Variants in NCOA2 observed in about 807,000 individuals in gnomAD.
The protein encoded by NCOA2 is nuclear receptor coactivator 2.
Under a neutral mutation model 145.1 loss-of-function variants are expected in NCOA2, and 21 were observed. The ratio of observed to expected loss-of-function variants is 0.14; its 90% CI spans 0.10 to 0.21. The LOEUF is 0.21. Among genes scored for constraint, NCOA2 ranks in the 10% least tolerant of loss-of-function variants. The probability of loss-of-function intolerance (pLI) is 1.00; values close to 1 mark genes in which losing one functional copy is unlikely to be tolerated. For missense variants in NCOA2, 1,472 were observed against 1,837.6 expected (o/e 0.80, Z 3.64); for synonymous variants, 619 against 637.5 (o/e 0.97, Z 0.44).
intron 4 of NCOA2, among the ~76,000 whole-genome samples, chr8:70,191,707 A>C (rs1032581628): frequency 5.3e-5 from 8 of 152,158 alleles, no homozygotes; most frequent in African/African-American, 1.9e-4. Context: ...ACCCATGAGA[A>C]TCTCCTGTGA....
chr8:70,192,074 A>G (rs1180623604), intron 4 of NCOA2, among the ~76,000 whole-genome samples: 1 of 152,212 alleles, frequency 6.6e-6, no homozygotes, highest in Non-Finnish European at 1.5e-5. Context: ...AACAAAAAAT[A>G]AAAGACTGAA....
chr8:70,153,874 C>T (rs549304897), intron 11 of NCOA2, among the ~76,000 whole-genome samples: 1 of 152,274 alleles, frequency 6.6e-6, no homozygotes, highest in Non-Finnish European at 1.5e-5. Context: ...GATTAATCAC[C>T]CAAGACGTTT....
Position 70,123,993 on chromosome 8 carries a change from G to A in NCOA2, c.4184C>T (p.Ala1395Val), listed in dbSNP as rs1349022491. 3.1e-6 allele frequency: 5 copies of A among 1,613,848 alleles called. No homozygotes were observed. Among genetic ancestry groups the A allele is most frequent in the Admixed American group, 1.7e-5 (1 of 59,988 alleles). The change falls in exon 21 of 23, where the codon GCG becomes GTG. Residue 1395 changes from alanine (A) to valine (V), a missense_variant. Coordinates refer to ENST00000452400, the MANE Select transcript of NCOA2 (RefSeq NM_006540.4). ...SNNMNINVSM[A>V]TNTGGMSSMN... is the part of the protein sequence containing the mutation. ...GCTGCTCATGCCACCTGTGTTGGTC[G>A]CCATGGACACATTGATGTTCATGTT...
Position 70,237,175 on chromosome 8 carries a change from A to C in NCOA2, c.-19-20411T>G, listed in dbSNP as rs548253003. On this transcript the variant is annotated intron_variant, in intron 2 of 22. Transcript: ENST00000452400. The stretch of plus-strand genomic sequence containing the variant: ...TATGGTATAGTAGTATACTTGTATT[A>C]TCTTATTTGATCCTCACAATTAACT... Among the ~76,000 whole-genome samples the C allele has an allele frequency of 4.2e-3, 635 of 152,312 alleles. 2 individuals are homozygous for C. The highest frequency in any genetic ancestry group is 7.1e-3 in the East Asian group (37 of 5,178).
chr8:70,138,518 A>G (rs1206616149), intron 14 of NCOA2, among the ~76,000 whole-genome samples, 186 bp from the exon 15 acceptor site: 1 of 152,252 alleles, frequency 6.6e-6, no homozygotes, highest in Non-Finnish European at 1.5e-5. Context: ...TATGAAAGCC[A>G]TTTCAGAGAA....
intron 2 of NCOA2, among the ~76,000 whole-genome samples, chr8:70,275,206 C>T (rs1825378442): frequency 6.6e-6 from 1 of 152,130 alleles, no homozygotes. Context: ...TTAGAGTTAT[C>T]AAACTTTACT....
chr8:70,448,942 C>A, the NCOA2 span, among the ~76,000 whole-genome samples: 1 of 151,902 alleles, frequency 6.6e-6, no homozygotes, highest in African/African-American at 2.4e-5. Context: ...GCAGCTGAGA[C>A]ACAGGTGCCG....
chr8:70,139,743 C>T (rs1810163548), intron 14 of NCOA2, among the ~76,000 whole-genome samples: 1 of 148,000 alleles, frequency 6.8e-6, no homozygotes, highest in South Asian at 2.1e-4. Flanking sequence ...ACCTCTGTCT[C>T]CCGGGTTCAA....
chr8:70,281,120 G>A (rs1015537690), intron 2 of NCOA2, among the ~76,000 whole-genome samples: 9 of 151,956 alleles, frequency 5.9e-5, no homozygotes, highest in Non-Finnish European at 1.2e-4. Flanking sequence ...TAGGGAGGCC[G>A]AGGTGGGTGG....
chr8:70,253,571 C>A (rs1431950224), intron 2 of NCOA2, among the ~76,000 whole-genome samples: 3 of 150,318 alleles, frequency 2.0e-5, no homozygotes, highest in Non-Finnish European at 3.0e-5. Context: ...CAGAAAAAAA[C>A]AAAACAAAAC....
chr8:70,175,307 GC>G (rs1278995530), intron 4 of NCOA2, among the ~76,000 whole-genome samples: 2 of 152,214 alleles, frequency 1.3e-5, no homozygotes, highest in African/African-American at 4.8e-5. Flanking sequence ...TGCTATGGCT[GC>G]CCCCATGAGA....
At chr8:70,234,808 T>C (rs1821456416) in intron 2 of NCOA2, among the ~76,000 whole-genome samples, 1 of 152,182 alleles carries the variant, frequency 6.6e-6, no homozygotes. Context: ...ATACAGAATA[T>C]GACATACAAC....
At chr8:70,358,427 C>T (rs1438109468) in intron 1 of NCOA2, among the ~76,000 whole-genome samples, 3 of 152,132 alleles carry the variant, frequency 2.0e-5, no homozygotes, top group Admixed American at 6.5e-5. Context: ...TAAAAATCAG[C>T]GGAATTTAAT....
intron 16 of NCOA2, among the ~76,000 whole-genome samples, chr8:70,131,192 T>G (rs1809056276): frequency 6.6e-6 from 1 of 152,128 alleles, no homozygotes; most frequent in Non-Finnish European, 1.5e-5. Context: ...TTTTATTTTT[T>G]TTTTGGTAAA....
chr8:70,290,037 A>C (rs1046393075), intron 2 of NCOA2, among the ~76,000 whole-genome samples: 2 of 151,970 alleles, frequency 1.3e-5, no homozygotes, highest in Non-Finnish European at 2.9e-5. Context: ...TTTCTCTTTA[A>C]TCTTTGTAGA....
At chr8:70,422,967 T>G in the NCOA2 span, among the ~76,000 whole-genome samples, 1 of 152,182 alleles carries the variant, frequency 6.6e-6, no homozygotes, top group East Asian at 1.9e-4. Context: ...TGGCTGGGAT[T>G]ACAGGGGCCG....
At chr8:70,227,351 G>C (rs1340448992) in intron 2 of NCOA2, among the ~76,000 whole-genome samples, 2 of 152,202 alleles carry the variant, frequency 1.3e-5, no homozygotes. Flanking sequence ...ATTTAATAAA[G>C]GCTTGTGGTT....
intron 2 of NCOA2, among the ~76,000 whole-genome samples, chr8:70,219,006 T>C (rs1033302759): frequency 6.6e-6 from 1 of 152,166 alleles, no homozygotes; most frequent in African/African-American, 2.4e-5. Context: ...CCTAAAGTCA[T>C]ATACACCCAG....
In NCOA2 at chr8:70,388,476, C is replaced by T. The variant is rs73684291; in HGVS notation, c.-77+15224G>A. Among the ~76,000 whole-genome samples the T allele has an allele frequency of 3.7e-3, 570 of 152,256 alleles. 8 individuals are homozygous for T. Among genetic ancestry groups the T allele is most frequent in the African/African-American group, 0.013 (552 of 41,550 alleles). ...CACCTTGCAAAATGCAGTTTGCTCACGTAACATATCTGTATAGCCCTCCAC... is the reference window on the plus strand; with the variant it reads ...CACCTTGCAAAATGCAGTTTGCTCATGTAACATATCTGTATAGCCCTCCAC... On this transcript the variant is annotated intron_variant, in intron 1 of 22. Transcript: ENST00000452400.
Sources: gnomAD v4.1 joint callset for allele counts (sites outside exome capture counted in the v4.1 genomes callset) on GRCh38, gnomAD v4.1.1 for gene constraint, MANE v1.5 for transcripts, NCBI Gene and HGNC (gene_info 2026-07-23, HGNC 2026-07-21) for gene names.